SPATA16: variants seen among roughly 807,000 people sequenced by gnomAD.
SPATA16 encodes the protein spermatogenesis associated 16, also known as spermatogenesis-associated protein 16.
Under a neutral mutation model 63.3 loss-of-function variants are expected in SPATA16, and 36 were observed. That is an observed-to-expected ratio of 0.57 (90% confidence interval 0.44 to 0.75). SPATA16 has a LOEUF of 0.75. Among genes scored for constraint, SPATA16 ranks in the 30% least tolerant of loss-of-function variants. SPATA16 has a pLI of 0.00. For synonymous variants in SPATA16, 203 were observed against 216.7 expected, an observed-to-expected ratio of 0.94 and a Z score of 0.56; for missense variants, 646 against 679.3, an observed-to-expected ratio of 0.95 and a Z score of 0.54.
intron 6 of SPATA16, among the ~76,000 whole-genome samples, chr3:172,945,414 G>T (rs1733257987): frequency 6.6e-6 from 1 of 152,140 alleles, no homozygotes; most frequent in South Asian, 2.1e-4. Flanking sequence ...ATCCATACAA[G>T]AAATACCTTC....
intron 6 of SPATA16, among the ~76,000 whole-genome samples, chr3:172,951,189 G>A (rs1733421641): frequency 6.6e-6 from 1 of 151,710 alleles, no homozygotes; most frequent in Non-Finnish European, 1.5e-5. Flanking sequence ...TAGCTATACT[G>A]TGAAAAAAAA....
intron 10 of SPATA16, among the ~76,000 whole-genome samples, chr3:172,905,920 T>G (rs1380876464): frequency 6.6e-6 from 1 of 152,188 alleles, no homozygotes; most frequent in Non-Finnish European, 1.5e-5. Context: ...TGTAACAAAG[T>G]TTTATTTTCC....
intron 4 of SPATA16, among the ~76,000 whole-genome samples, chr3:173,016,679 T>C (rs1735196454): frequency 6.6e-6 from 1 of 152,176 alleles, no homozygotes; most frequent in Non-Finnish European, 1.5e-5. Flanking sequence ...GTAAGAGGCC[T>C]GAATCAAACT....
chr3:172,980,312 AC>A (rs2108253709), intron 4 of SPATA16, among the ~76,000 whole-genome samples: 1 of 152,280 alleles, frequency 6.6e-6, no homozygotes, highest in East Asian at 1.9e-4. Context: ...TCAAATGTAA[AC>A]AGTAACCCAT....
At chr3:172,891,913 T>C (rs1211766638) in intron 10 of SPATA16, among the ~76,000 whole-genome samples, 1 of 152,204 alleles carries the variant, frequency 6.6e-6, no homozygotes, top group African/African-American at 2.4e-5. Context: ...ACTTAATTGT[T>C]TATAATGATT....
At chr3:172,959,103 A>G (rs200116987) in intron 5 of SPATA16, among the ~76,000 whole-genome samples, 1 of 151,692 alleles carries the variant, frequency 6.6e-6, no homozygotes, top group East Asian at 1.9e-4. Context: ...TAGCAAAGGT[A>G]TAATCCTCCA....
intron 2 of SPATA16, among the ~76,000 whole-genome samples, chr3:173,102,169 T>G (rs1737513136): frequency 6.6e-6 from 1 of 152,198 alleles, no homozygotes; most frequent in Admixed American, 6.5e-5. Flanking sequence ...TGTCTAATCT[T>G]GGGTTTCAAG....
chr3:173,136,127 C>T (rs373019040), intron 1 of SPATA16, among the ~76,000 whole-genome samples: 4 of 152,166 alleles, frequency 2.6e-5, no homozygotes, highest in African/African-American at 9.6e-5. Flanking sequence ...CAAAATTCTC[C>T]AGGAGGGTAA....
chr3:173,092,398 G>A (rs1268788233), intron 2 of SPATA16, among the ~76,000 whole-genome samples: 2 of 152,172 alleles, frequency 1.3e-5, no homozygotes, highest in Non-Finnish European at 2.9e-5. Context: ...GGAACCTGTG[G>A]CTACGTTATG....
intron 3 of SPATA16, among the ~76,000 whole-genome samples, chr3:173,034,278 A>C (rs1292121468): frequency 2.0e-5 from 3 of 152,128 alleles, no homozygotes; most frequent in Non-Finnish European, 4.4e-5. Context: ...AGAAATTTTA[A>C]AATGAACTGA....
At chr3:173,066,492 G>T (rs1337323465) in intron 2 of SPATA16, among the ~76,000 whole-genome samples, 1 of 152,162 alleles carries the variant, frequency 6.6e-6, no homozygotes, top group East Asian at 1.9e-4. Context: ...AAAGAGGGAA[G>T]GGAGCAAAAG....
intron 2 of SPATA16, among the ~76,000 whole-genome samples, chr3:173,102,422 G>A (rs1225364402): frequency 6.6e-6 from 1 of 152,170 alleles, no homozygotes; most frequent in Admixed American, 6.5e-5. Flanking sequence ...GCATGATGCT[G>A]GTATCTGCTT....
intron 2 of SPATA16, among the ~76,000 whole-genome samples, chr3:173,064,622 C>G (rs1736472048): frequency 6.6e-6 from 1 of 152,168 alleles, no homozygotes; most frequent in South Asian, 2.1e-4. Context: ...ATGGAGTTAA[C>G]TCTAAGTTAA....
At chr3:173,090,541 T>C (rs560011300) in intron 2 of SPATA16, among the ~76,000 whole-genome samples, 40 of 152,328 alleles carry the variant, frequency 2.6e-4, no homozygotes, top group Admixed American at 1.1e-3. Context: ...TAGGGTAACA[T>C]AATTTTATCC....
chr3:173,116,901 G>T (rs1023887374), intron 2 of SPATA16, among the ~76,000 whole-genome samples: 1 of 152,136 alleles, frequency 6.6e-6, no homozygotes, highest in Non-Finnish European at 1.5e-5. Flanking sequence ...TGCCTTTGGG[G>T]TTATTTCTAT....
Position 172,889,424 on chromosome 3 carries a change from G to T in SPATA16, c.*146C>A. On this transcript the variant is annotated 3_prime_UTR_variant, in exon 11 of 11. Transcript: ENST00000351008. ...ATTAATGAAACATAGAGTGTCTTTGGTAAAGATGAACTGAGGGGAATACCA... is the reference window on the plus strand; with the variant it reads ...ATTAATGAAACATAGAGTGTCTTTGTTAAAGATGAACTGAGGGGAATACCA... 1 of 1,128,738 alleles carries T rather than the reference G, an allele frequency of 8.9e-7. No homozygotes were observed. Among genetic ancestry groups the T allele is most frequent in the East Asian group, 2.4e-5 (1 of 42,298 alleles). 69.9% of individuals were successfully genotyped at this position (1,128,738 alleles called of 1,614,324 possible).
At chr3:173,105,290 G>T (rs1244527307) in intron 2 of SPATA16, among the ~76,000 whole-genome samples, 1 of 152,110 alleles carries the variant, frequency 6.6e-6, no homozygotes, top group Non-Finnish European at 1.5e-5. Flanking sequence ...AAACTAGAGG[G>T]TGTTCAGACC....
At chr3:173,109,872 G>C (rs1032339564) in intron 2 of SPATA16, among the ~76,000 whole-genome samples, 1 of 152,062 alleles carries the variant, frequency 6.6e-6, no homozygotes, top group Non-Finnish European at 1.5e-5. Context: ...ATTATGCCAG[G>C]TTAAAATAGC....
intron 4 of SPATA16, among the ~76,000 whole-genome samples, chr3:172,988,380 A>G (rs1734502213): frequency 6.6e-6 from 1 of 152,154 alleles, no homozygotes; most frequent in African/African-American, 2.4e-5. Context: ...AACTGCAGTC[A>G]CTCTTGTAAA....
Sources: allele counts gnomAD v4.1 joint callset (sites outside exome capture counted in the v4.1 genomes callset), GRCh38; gene constraint gnomAD v4.1.1; transcripts MANE v1.5; gene names NCBI Gene and HGNC (gene_info 2026-07-23, HGNC 2026-07-21).